Variants in ANLN observed in about 807,000 individuals in gnomAD.
ANLN encodes the protein anillin.
ANLN carries 59 observed loss-of-function variants against 135.1 expected under a neutral mutation model. The observed-to-expected ratio is 0.44, with a 90% confidence interval of 0.35 to 0.54. The LOEUF (loss-of-function observed/expected upper bound fraction) is 0.54. Ranked by LOEUF, ANLN falls within the 20% of genes least tolerant of loss-of-function variation. ANLN has a pLI of 0.00. For synonymous variants in ANLN, 406 were observed against 456.4 expected, an observed-to-expected ratio of 0.89 and a Z score of 1.41; for missense variants, 1,182 against 1,340.0, an observed-to-expected ratio of 0.88 and a Z score of 1.84.
At chr7:36,418,619 G>T (rs1406373750) in intron 9 of ANLN, among the ~76,000 whole-genome samples, 1 of 152,182 alleles carries the variant, frequency 6.6e-6, no homozygotes, top group Non-Finnish European at 1.5e-5. Context: ...AAAGTCATTT[G>T]AGAGAATATT....
intron 3 of ANLN, among the ~76,000 whole-genome samples, chr7:36,402,278 A>G (rs1324182242): frequency 1.4e-5 from 1 of 73,312 alleles, no homozygotes; most frequent in Non-Finnish European, 3.1e-5. Context: ...CACCCAGCTA[A>G]TTTTTTGTAT....
intron 3 of ANLN, among the ~76,000 whole-genome samples, chr7:36,404,525 A>G (rs547220859): frequency 6.6e-6 from 1 of 152,324 alleles, no homozygotes; most frequent in East Asian, 1.9e-4. Context: ...AACTCCATGA[A>G]TTTCTTTTAT....
intron 3 of ANLN, among the ~76,000 whole-genome samples, chr7:36,400,144 A>C (rs1037324675): frequency 1.3e-5 from 2 of 152,240 alleles, no homozygotes; most frequent in Admixed American, 6.5e-5. Context: ...CTTTTGCTAG[A>C]GGCCTATGCG....
At chr7:36,428,013 G>GTGA (rs1180911856) in intron 20 of ANLN, among the ~76,000 whole-genome samples, 1 of 152,278 alleles carries the variant, frequency 6.6e-6, no homozygotes, top group Admixed American at 6.5e-5. Context: ...TTTACCCTTA[G>GTGA]TGATTTACTC....
intron 3 of ANLN, among the ~76,000 whole-genome samples, chr7:36,403,777 G>A (rs556060257): frequency 1.3e-5 from 2 of 151,936 alleles, no homozygotes; most frequent in Admixed American, 6.6e-5. Context: ...TCAGTGACCC[G>A]AGTAGCTGGG....
At chr7:36,435,778 CAGG>C (rs748727204) in intron 20 of ANLN, among the ~76,000 whole-genome samples, 162 of 139,388 alleles carry the variant, frequency 1.2e-3, no homozygotes, top group Non-Finnish European at 2.0e-3. Flanking sequence ...GAGGCTGAGG[CAGG>C]AGAATGGCGT....
chr7:36,417,919 C>T (rs1016383333), intron 9 of ANLN, among the ~76,000 whole-genome samples: 13 of 152,104 alleles, frequency 8.5e-5, no homozygotes, highest in African/African-American at 3.1e-4. Flanking sequence ...TCGTGATCTG[C>T]CTGCCTTGGC....
At position 36,396,394 on chromosome 7, in the gene ANLN, C is replaced by G; in HGVS notation, c.147C>G (p.Asn49Lys). 6.3e-7 allele frequency: 1 copy of G among 1,591,922 alleles called. No homozygotes were observed. The highest frequency in any genetic ancestry group is 8.6e-7 in the Non-Finnish European group (1 of 1,164,128). ...RARQPLSEAS[N>K]QQPLSGGEEK... is the part of the protein sequence containing the mutation. Reference sequence around the variant, plus strand: ...GACAGCCACTTTCAGAAGCAAGTAACCAGCAGCCCCTCTCTGGTGGTGAAG... The same window carrying G: ...GACAGCCACTTTCAGAAGCAAGTAAGCAGCAGCCCCTCTCTGGTGGTGAAG... The change falls in exon 2 of 24, where the codon AAC becomes AAG. Residue 49 changes from asparagine (N) to lysine (K), a missense_variant. By Grantham distance (94) the Asn-to-Lys change is moderately conservative (BLOSUM62 0). Transcript: ENST00000265748.
chr7:36,449,738 CA>C lies in ANLN; in HGVS notation c.3154del (p.Arg1052AspfsTer7). 1.2e-6 allele frequency: 2 copies of C among 1,614,006 alleles called. No homozygotes were observed. Among genetic ancestry groups the C allele is most frequent in the Non-Finnish European group, 1.7e-6 (2 of 1,179,926 alleles). ...QIEPANREFC[A>X]RRNTFELITV... ...GAACCAGCCAACAGAGAATTTTGTG[CA>C]AGACGCAACACTTTTGAATTAATTA... On this transcript the variant is annotated frameshift_variant, in exon 23 of 24. Coordinates refer to ENST00000265748, the MANE Select transcript of ANLN (RefSeq NM_018685.5). LOFTEE classifies it high-confidence loss of function.
rs371910885 is a variant in ANLN, at chr7:36,439,207, C to A, written c.2887C>A (p.Pro963Thr). The A allele has an allele frequency of 5.7e-6, 9 of 1,566,140 alleles. No homozygotes were observed. The African/African-American group carries it at 1.2e-4, about 21-fold the overall frequency. The change falls in exon 21 of 24, where the codon CCC becomes ACC. Residue 963 changes from proline (P) to threonine (T), a missense_variant. Physicochemically the swap from Pro to Thr is conservative, Grantham distance 38. Transcript: ENST00000265748. ...AATTTACCTGTTTTCTTTGCAGGTC[C>A]CCTTTTTATCTTCTTTGGAAGGTCA... Reference protein sequence around the residue: ...GNTKFVLDKVPFLSSLEGHIY... With the variant: ...GNTKFVLDKVTFLSSLEGHIY...
intron 3 of ANLN, among the ~76,000 whole-genome samples, chr7:36,401,229 A>C (rs1786932383): frequency 6.6e-6 from 1 of 152,220 alleles, no homozygotes; most frequent in Admixed American, 6.5e-5. Flanking sequence ...TAGAAGAAGG[A>C]AACTGGGTTC....
At chr7:36,399,441 T>C (rs1786847397) in intron 3 of ANLN, 48 bp downstream of exon 3, 1 of 1,456,704 alleles carries the variant, frequency 6.9e-7, no homozygotes, top group African/African-American at 1.4e-5. Flanking sequence ...TCCAATAAGA[T>C]TCAGTTTGGT....
chr7:36,410,402 C>T, intron 5 of ANLN, 112 bp from the exon 6 acceptor site: 1 of 926,508 alleles, frequency 1.1e-6, no homozygotes, highest in Non-Finnish European at 1.6e-6. Context: ...ATGAATATTC[C>T]TGATAGAATC....
At chr7:36,405,089 CATT>C (rs953976162) in intron 3 of ANLN, among the ~76,000 whole-genome samples, 1 of 152,116 alleles carries the variant, frequency 6.6e-6, no homozygotes, top group Non-Finnish European at 1.5e-5. Context: ...ATGGTAGTCT[CATT>C]ATAATGTATT....
chr7:36,417,233 A>T (rs1424631054), intron 9 of ANLN, 43 bp downstream of exon 9: 6 of 1,048,166 alleles, frequency 5.7e-6, no homozygotes, highest in African/African-American at 3.3e-5. Context: ...TGCACATACT[A>T]TAGGAAATAA....
intron 1 of ANLN, among the ~76,000 whole-genome samples, chr7:36,394,661 C>T (rs1472820840): frequency 6.6e-6 from 1 of 152,002 alleles, no homozygotes; most frequent in Non-Finnish European, 1.5e-5. Flanking sequence ...TGCCTTCTTT[C>T]AAATTTAGCT....
At chr7:36,444,729 A>G (rs1044679870) in intron 22 of ANLN, among the ~76,000 whole-genome samples, 5 of 152,048 alleles carry the variant, frequency 3.3e-5, no homozygotes, top group Admixed American at 6.6e-5. Flanking sequence ...TTTTGGTTAG[A>G]TATGTTTTCA....
At chr7:36,396,755 A>G (rs952020966) in intron 2 of ANLN, among the ~76,000 whole-genome samples, 5 of 152,150 alleles carry the variant, frequency 3.3e-5, no homozygotes, top group African/African-American at 1.2e-4. Context: ...TTTTTATCCC[A>G]GGGGTGGCAG....
chr7:36,423,418 A>T (rs1787959474), intron 14 of ANLN, among the ~76,000 whole-genome samples: 1 of 152,106 alleles, frequency 6.6e-6, no homozygotes, highest in Admixed American at 6.5e-5. Flanking sequence ...TTATGTTTTT[A>T]TTATCATTTA....
Sources: allele counts gnomAD v4.1 joint callset (sites outside exome capture counted in the v4.1 genomes callset), GRCh38; gene constraint gnomAD v4.1.1; transcripts MANE v1.5; gene names NCBI Gene and HGNC (gene_info 2026-07-23, HGNC 2026-07-21).